AP5M1: variants seen among roughly 807,000 people sequenced by gnomAD.
The protein encoded by AP5M1 is adaptor related protein complex 5 subunit mu 1.
A neutral mutation model predicts 52.3 loss-of-function variants in AP5M1; 44 were observed. The observed-to-expected ratio is 0.84, with a 90% CI of 0.66 to 1.08. AP5M1 has a LOEUF of 1.08. AP5M1 is among the 50% of genes least tolerant of loss of function. AP5M1 has a pLI of 0.00. For missense variants in AP5M1, 526 were observed against 568.4 expected, an observed-to-expected ratio of 0.93 and a Z score of 0.76; for synonymous variants, 213 against 199.0, an observed-to-expected ratio of 1.07 and a Z score of -0.59.
intron 2 of AP5M1, chr14:57,278,387 T>G (rs2139689433): frequency 6.6e-6 from 1 of 152,290 alleles, no homozygotes; most frequent in Non-Finnish European, 1.5e-5. Context: ...CAGTGGAAAT[T>G]CAAGGAAAGG....
chr14:57,272,459 C>T (rs550127017), intron 1 of AP5M1, among the ~76,000 whole-genome samples: 1 of 152,350 alleles, frequency 6.6e-6, no homozygotes, highest in African/African-American at 2.4e-5. Context: ...CATCAGCTTA[C>T]ATCTGGCTTA....
rs984165761 is a variant in AP5M1 at position 57,294,674 on chromosome 14, C to T, written c.*5790C>T. ...ACTTCCAGACTACTTAGCTGGGGCT[C>T]TTTAAATGTTGGAACTATAGTAACA... On this transcript the variant is annotated 3_prime_UTR_variant, in exon 8 of 8. Coordinates refer to ENST00000261558, the MANE Select transcript of AP5M1 (RefSeq NM_018229.4). The T allele has an allele frequency of 4.0e-5, 6 of 151,808 alleles. No individual in the cohort carries two copies. Among genetic ancestry groups the T allele is most frequent in the South Asian group, 2.1e-4 (1 of 4,826 alleles). The allele number at this position is 151,808 out of a possible 1,614,324, so 9.4% of individuals were successfully genotyped here.
intron 7 of AP5M1, among the ~76,000 whole-genome samples, chr14:57,287,141 C>G (rs1255690523): frequency 6.6e-6 from 1 of 151,860 alleles, no homozygotes; most frequent in Non-Finnish European, 1.5e-5. Flanking sequence ...GTAGAGTTAT[C>G]TAAACTTAAA....
At chr14:57,286,148 G>A in intron 6 of AP5M1, 75 bp from the exon 7 acceptor site, 2 of 996,182 alleles carry the variant, frequency 2.0e-6, no homozygotes. Flanking sequence ...CTAAGACTGG[G>A]TTAAGGGAAA....
In AP5M1 at chr14:57,274,193, T is replaced by A. The variant is rs759773990; in HGVS notation, c.75-51T>A. On this transcript the variant is annotated intron_variant, in intron 1 of 7. Transcript: ENST00000261558. ...AGAGTTTTAAAAAAATTCTTTCATC[T>A]TGATTTTACTTGGAAGAATCATTTA... 1.4e-5 allele frequency: 21 copies of A among 1,521,798 alleles called. 1 individual carries two copies. The highest frequency in any genetic ancestry group is 1.8e-5 in the Non-Finnish European group (20 of 1,139,286). The allele number at this position is 1,521,798 out of a possible 1,614,324, so 94.3% of individuals were successfully genotyped here. A position where few individuals can be genotyped will look rare whatever the true frequency, so the allele number is the denominator to read the frequency against.
At chr14:57,271,627 T>G (rs932991687) in intron 1 of AP5M1, among the ~76,000 whole-genome samples, 3 of 141,948 alleles carry the variant, frequency 2.1e-5, no homozygotes, top group African/African-American at 3.1e-5. Context: ...TAATTTACCA[T>G]TGTCAATTAA....
At chr14:57,276,135 T>C (rs1885030944) in intron 2 of AP5M1, among the ~76,000 whole-genome samples, 1 of 152,192 alleles carries the variant, frequency 6.6e-6, no homozygotes, top group Admixed American at 6.5e-5. Flanking sequence ...AACTCATATC[T>C]ATCATGGTCA....
At position 57,269,311 on chromosome 14, in the gene AP5M1, A is replaced by T. The variant is rs1280145891; in HGVS notation, c.-4A>T. ...AGATGAGCTAATGCTTTACTGACTT[A>T]ACCATGGCGCAGCGGGCAGTGTGGC... On this transcript the variant is annotated 5_prime_UTR_variant, in exon 1 of 8. Coordinates refer to ENST00000261558, the MANE Select transcript of AP5M1 (RefSeq NM_018229.4). 2 of 1,614,052 alleles carry T rather than the reference A, an allele frequency of 1.2e-6. No individual in the cohort carries two copies. The highest frequency in any genetic ancestry group is 3.3e-5 in the Admixed American group (2 of 60,006).
At position 57,296,753 on chromosome 14, in the gene AP5M1, C is replaced by A. The variant is rs1594714483; in HGVS notation, c.*7869C>A. ...TGGCTTGGAATTTAGAACTGCTGAG[C>A]AATATGGTTGAGAGGGAGACCTTAA... On this transcript the variant is annotated 3_prime_UTR_variant, in exon 8 of 8. Coordinates refer to ENST00000261558, the MANE Select transcript of AP5M1 (RefSeq NM_018229.4). The A allele has an allele frequency of 6.6e-6, 1 of 152,086 alleles. No individual in the cohort carries two copies. Among genetic ancestry groups the A allele is most frequent in the Non-Finnish European group, 1.5e-5 (1 of 67,976 alleles). 9.4% of individuals were successfully genotyped at this position (152,086 alleles called of 1,614,324 possible).
intron 3 of AP5M1, among the ~76,000 whole-genome samples, chr14:57,281,335 G>C (rs1268841702): frequency 6.6e-6 from 1 of 152,142 alleles, no homozygotes; most frequent in South Asian, 2.1e-4. Context: ...TTTATCTCTT[G>C]TCCTAGTTGT....
chr14:57,271,348 ACTCACTAG>A (rs1225090908), intron 1 of AP5M1: 2 of 152,282 alleles, frequency 1.3e-5, no homozygotes, highest in Non-Finnish European at 2.9e-5. Flanking sequence ...CCACCTACGC[ACTCACTAG>A]CAGCAAGAAG....
At chr14:57,274,959 T>G in intron 2 of AP5M1, 70 bp downstream of exon 2, 2 of 1,544,838 alleles carry the variant, frequency 1.3e-6, no homozygotes, top group Non-Finnish European at 1.8e-6. Context: ...ATTTGCTAGT[T>G]GTATTTTAAA....
intron 4 of AP5M1, 27 bp from the exon 5 acceptor site, chr14:57,282,907 T>C: frequency 6.8e-7 from 1 of 1,468,784 alleles, no homozygotes; most frequent in South Asian, 1.2e-5. Flanking sequence ...TATGATCTTT[T>C]TCTATTTTAT....
intron 4 of AP5M1, 69 bp from the exon 5 acceptor site, chr14:57,282,865 G>T: frequency 9.2e-7 from 1 of 1,091,564 alleles, no homozygotes; most frequent in South Asian, 1.6e-5. Flanking sequence ...CAGTGGCCAA[G>T]TTTGACTTAG....
Position 57,297,249 on chromosome 14 carries a change from A to T in AP5M1, c.*8365A>T, listed in dbSNP as rs1042938046. On this transcript the variant is annotated 3_prime_UTR_variant, in exon 8 of 8. Transcript: ENST00000261558. ...CTGAAATACTAAATTAAATACAAAA[A>T]AACTCCTACATACTAACTATATGTT... 2.6e-5 allele frequency: 4 copies of T among 152,060 alleles called. No homozygotes were observed. The highest frequency in any genetic ancestry group is 9.7e-5 in the African/African-American group (4 of 41,422). 9.4% of individuals were successfully genotyped at this position (152,060 alleles called of 1,614,324 possible). A position where few individuals can be genotyped will look rare whatever the true frequency, so the allele number is the denominator to read the frequency against.
At chr14:57,273,210 A>G (rs1161255788) in intron 1 of AP5M1, among the ~76,000 whole-genome samples, 1 of 152,144 alleles carries the variant, frequency 6.6e-6, no homozygotes, top group Non-Finnish European at 1.5e-5. Context: ...GAAGTGCTGG[A>G]TTAGCCATTG....
At chr14:57,269,934 G>T (rs894399027) in intron 1 of AP5M1, among the ~76,000 whole-genome samples, 5 of 152,128 alleles carry the variant, frequency 3.3e-5, no homozygotes, top group African/African-American at 9.6e-5. Context: ...TCAGCCTCCC[G>T]AGTAGCTGGG....
rs751005381 is a variant in AP5M1, at chr14:57,274,835, T to C, written c.666T>C (p.Tyr222=). The stretch of plus-strand genomic sequence containing the variant: ...CTGAAAAGGTAAAATCCATGCAATA[T>C]GATAAACAGGGTATAGCAGATACAT... ...SITEKVKSMQ[Y]DKQGIADTWQ... is the part of the protein sequence containing the mutation. Residue 222 remains tyrosine, a synonymous_variant, in exon 2 of 8, where the codon TAT becomes TAC. Coordinates refer to ENST00000261558, the MANE Select transcript of AP5M1 (RefSeq NM_018229.4). The C allele has an allele frequency of 5.0e-6, 8 of 1,614,220 alleles. No individual in the cohort carries two copies. Among genetic ancestry groups the C allele is most frequent in the Non-Finnish European group, 6.8e-6 (8 of 1,180,036 alleles).
chr14:57,273,629 CTTTT>C, intron 1 of AP5M1: 1 of 654,480 alleles, frequency 1.5e-6, no homozygotes, highest in Non-Finnish European at 2.8e-6. Context: ...TGATTTTATT[CTTTT>C]TTATTATCTA....
Sources: gnomAD v4.1 joint callset for allele counts (sites outside exome capture counted in the v4.1 genomes callset) on GRCh38, gnomAD v4.1.1 for gene constraint, MANE v1.5 for transcripts, NCBI Gene and HGNC (gene_info 2026-07-23, HGNC 2026-07-21) for gene names.